The following SRGAP2 variants were observed in gnomAD, a reference collection of about 807,000 sequenced individuals.
SRGAP2 encodes the protein SLIT-ROBO Rho GTPase-activating protein 2.
SRGAP2 carries 15 observed loss-of-function variants against 57.2 expected under a neutral mutation model. The observed-to-expected ratio is 0.26, with a 90% confidence interval of 0.18 to 0.40. The LOEUF (loss-of-function observed/expected upper bound fraction) is 0.40. Ranked by LOEUF, SRGAP2 falls within the 10% of genes least tolerant of loss-of-function variation. SRGAP2 has a pLI of 1.00. For synonymous variants in SRGAP2, 249 were observed against 248.0 expected, an observed-to-expected ratio of 1.00 and a Z score of -0.04; for missense variants, 520 against 669.6, an observed-to-expected ratio of 0.78 and a Z score of 2.47.
At chr1:206,326,977 A>G (rs1397789517) in intron 3 of SRGAP2, among the ~76,000 whole-genome samples, 5 of 152,144 alleles carry the variant, frequency 3.3e-5, no homozygotes, top group South Asian at 2.1e-4. Flanking sequence ...ACAGTGAACC[A>G]TGGTCATGCC....
intron 13 of SRGAP2, among the ~76,000 whole-genome samples, chr1:206,423,143 C>A (rs1446329214): frequency 5.9e-5 from 9 of 152,090 alleles, no homozygotes; most frequent in African/African-American, 2.2e-4. Flanking sequence ...CATCCCAGAC[C>A]TTTTTTAAAA....
chr1:206,237,306 A>G (rs1451802283), intron 2 of SRGAP2, among the ~76,000 whole-genome samples: 1 of 152,154 alleles, frequency 6.6e-6, no homozygotes. Context: ...GGGAAAAAAA[A>G]GTGAATGTAC....
At chr1:206,338,189 G>A (rs1443164356) in intron 3 of SRGAP2, among the ~76,000 whole-genome samples, 2 of 85,860 alleles carry the variant, frequency 2.3e-5, no homozygotes, top group Non-Finnish European at 4.6e-5. Context: ...ATACTCCTAG[G>A]TATTTTGTCT....
intron 3 of SRGAP2, among the ~76,000 whole-genome samples, chr1:206,328,054 G>A (rs1194838516): frequency 1.5e-5 from 2 of 135,986 alleles, no homozygotes; most frequent in African/African-American, 3.3e-5. Context: ...GAGAATATGC[G>A]GTGTTTGGTT....
chr1:206,250,240 G>A (rs1477756619), intron 2 of SRGAP2, among the ~76,000 whole-genome samples: 6 of 152,126 alleles, frequency 3.9e-5, no homozygotes, highest in Non-Finnish European at 8.8e-5. Context: ...TTATTGATGT[G>A]AGAATAACAG....
At chr1:206,275,768 C>T (rs1261672498) in intron 2 of SRGAP2, among the ~76,000 whole-genome samples, 62 of 152,050 alleles carry the variant, frequency 4.1e-4, no homozygotes, top group Admixed American at 1.6e-3. Context: ...AGGCACGCAT[C>T]GCCATGCCCA....
chr1:206,299,916 C>CTCTTCT (rs1245524136), intron 2 of SRGAP2, among the ~76,000 whole-genome samples: 2 of 142,634 alleles, frequency 1.4e-5, no homozygotes, highest in Non-Finnish European at 3.1e-5. Context: ...CTTCCTCTTC[C>CTCTTCT]TCTTCTTCTT....
chr1:206,419,881 A>G (rs1660142324), intron 12 of SRGAP2, among the ~76,000 whole-genome samples: 1 of 151,784 alleles, frequency 6.6e-6, no homozygotes, highest in African/African-American at 2.4e-5. Flanking sequence ...ATAATGAAAT[A>G]TTACATTGCA....
rs781785493 is a variant in SRGAP2 at position 206,241,911 on chromosome 1, CGTGTGT to C, written c.67+35911_67+35916del. ...ATTTTTTAATGCTGGGAGGTGTTTG[CGTGTGT>C]GTGTGTGTGTGTGTGTGTGTGTGTG... On this transcript the variant is annotated intron_variant, in intron 2 of 22. Transcript: ENST00000573034. Among the ~76,000 whole-genome samples, 697 of 104,572 alleles carry C rather than the reference CGTGTGT, an allele frequency of 6.7e-3. 42 individuals are homozygous for C. Among genetic ancestry groups the C allele is most frequent in the African/African-American group, 0.023 (512 of 22,606 alleles). 68.6% of individuals were successfully genotyped at this position (104,572 alleles called of 152,430 possible).
In SRGAP2 at chr1:206,461,586, G is replaced by GTA; in HGVS notation, c.*168_*169dup. 1 of 621,658 alleles carries GTA rather than the reference G, an allele frequency of 1.6e-6. No homozygotes were observed. The highest frequency in any genetic ancestry group is 2.9e-6 in the Non-Finnish European group (1 of 346,274). 38.5% of individuals were successfully genotyped at this position (621,658 alleles called of 1,614,324 possible). ...CAAAACCTTGAGAATGAAGCCCTTG[G>GTA]TATCGCCTCTCCCTTCCCACTGCCC... On this transcript the variant is annotated 3_prime_UTR_variant, in exon 23 of 23. Transcript: ENST00000573034.
intron 2 of SRGAP2, among the ~76,000 whole-genome samples, chr1:206,267,191 A>C (rs1287529907): frequency 6.6e-6 from 1 of 151,770 alleles, no homozygotes; most frequent in Non-Finnish European, 1.5e-5. Context: ...GATGGTCTCG[A>C]TCTCCTGACC....
intron 4 of SRGAP2, among the ~76,000 whole-genome samples, chr1:206,366,464 C>T (rs1553341667): frequency 6.6e-6 from 1 of 152,006 alleles, no homozygotes; most frequent in Admixed American, 6.5e-5. Flanking sequence ...TGCAGCTCCA[C>T]ACATGCCAGA....
chr1:206,435,096 G>T (rs1661613167), intron 14 of SRGAP2, among the ~76,000 whole-genome samples: 1 of 152,200 alleles, frequency 6.6e-6, no homozygotes, highest in African/African-American at 2.4e-5. Context: ...CACTCTGTGA[G>T]GAATATTCTG....
chr1:206,238,922 G>A lies in SRGAP2; in HGVS notation c.67+32885G>A, dbSNP rs1423223616. ...TGTGAACAAGCTGCTTGCAGGTGCC[G>A]AAACAAACAGCAGTGTGGGTCTCAG... On this transcript the variant is annotated intron_variant, in intron 2 of 22. Coordinates refer to ENST00000573034, the MANE Select transcript of SRGAP2 (RefSeq NM_015326.5). Among the ~76,000 whole-genome samples the A allele has an allele frequency of 5.0e-3, 748 of 149,252 alleles. 2 individuals are homozygous for A. Among genetic ancestry groups the A allele is most frequent in the South Asian group, 0.01 (48 of 4,668 alleles).
At chr1:206,384,423 C>A (rs1655997287) in intron 5 of SRGAP2, among the ~76,000 whole-genome samples, 1 of 151,292 alleles carries the variant, frequency 6.6e-6, no homozygotes, top group Non-Finnish European at 1.5e-5. Flanking sequence ...ACGTAGCCTG[C>A]ATTGCACTAT....
At chr1:206,240,033 A>G (rs1156943645) in intron 2 of SRGAP2, among the ~76,000 whole-genome samples, 2 of 151,872 alleles carry the variant, frequency 1.3e-5, no homozygotes, top group Non-Finnish European at 2.9e-5. Context: ...TGGGAGGCCA[A>G]GGCGGGCGGA....
chr1:206,366,610 T>C (rs1328071783), intron 4 of SRGAP2, among the ~76,000 whole-genome samples: 18 of 152,306 alleles, frequency 1.2e-4, no homozygotes, highest in African/African-American at 3.6e-4. Context: ...AGCAATTCTT[T>C]GATCATGGTC....
intron 2 of SRGAP2, among the ~76,000 whole-genome samples, chr1:206,226,568 A>G (rs1667286073): frequency 1.3e-5 from 2 of 152,326 alleles, no homozygotes; most frequent in South Asian, 4.1e-4. Flanking sequence ...TAGGATGAAC[A>G]TATAATTCCT....
At chr1:206,224,396 G>T (rs555286227) in intron 2 of SRGAP2, among the ~76,000 whole-genome samples, 1 of 145,272 alleles carries the variant, frequency 6.9e-6, no homozygotes, top group African/African-American at 2.8e-5. Flanking sequence ...GAGGAAAAAA[G>T]CCTACCTATA....
Sources: gnomAD v4.1 joint callset for allele counts (sites outside exome capture counted in the v4.1 genomes callset) on GRCh38, gnomAD v4.1.1 for gene constraint, MANE v1.5 for transcripts, NCBI Gene and HGNC (gene_info 2026-07-23, HGNC 2026-07-21) for gene names.